RRN3: variants seen among roughly 807,000 people sequenced by gnomAD.
RRN3 encodes the protein RNA polymerase I transcription factor RRN3, also known as RNA polymerase I-specific transcription initiation factor RRN3.
In RRN3, 38 loss-of-function variants were observed where a neutral mutation model predicts 82.3. That is an observed-to-expected ratio of 0.46 (90% confidence interval 0.36 to 0.61). The LOEUF is 0.61. Among genes scored for constraint, RRN3 ranks in the 20% least tolerant of loss-of-function variants. RRN3 has a pLI of 0.00. For missense variants in RRN3, 726 were observed against 793.1 expected, an observed-to-expected ratio of 0.92 and a Z score of 1.02; for synonymous variants, 284 against 284.3, an observed-to-expected ratio of 1.00 and a Z score of 0.01.
chr16:15,093,775 G>T (rs1243146093), intron 1 of RRN3, among the ~76,000 whole-genome samples: 1 of 152,158 alleles, frequency 6.6e-6, no homozygotes, highest in Non-Finnish European at 1.5e-5. Flanking sequence ...TATTCAATTT[G>T]CCATGAGTGA....
intron 7 of RRN3, among the ~76,000 whole-genome samples, chr16:15,084,088 T>G (rs1340985147): frequency 6.6e-6 from 1 of 152,240 alleles, no homozygotes; most frequent in East Asian, 1.9e-4. Flanking sequence ...TTCTGTTAAC[T>G]CTGATATCAA....
chr16:15,070,601 A>G (rs2045181929), intron 13 of RRN3, among the ~76,000 whole-genome samples: 1 of 152,152 alleles, frequency 6.6e-6, no homozygotes, highest in Admixed American at 6.6e-5. Flanking sequence ...CTCAAGAGAA[A>G]GACAGTCTGG....
In RRN3 at chr16:15,092,569, G is replaced by C; in HGVS notation, c.135C>G (p.Pro45=). 6.2e-7 allele frequency: 1 copy of C among 1,613,382 alleles called. No homozygotes were observed. The highest frequency in any genetic ancestry group is 8.5e-7 in the Non-Finnish European group (1 of 1,179,532). Residue 45 remains proline, a synonymous_variant, in exon 2 of 18, where the codon CCC becomes CCG. Transcript: ENST00000198767. The part of the protein sequence containing the change: ...RALENDFFNS[P]PRKTVRFGGT... The stretch of plus-strand genomic sequence containing the variant: ...CACCAAACCGAACAGTTTTTCTTGG[G>C]GGAGAATTGAAAAAGTCATTCTCTA...
chr16:15,072,245 CAA>C (rs55852324), intron 12 of RRN3, among the ~76,000 whole-genome samples: 8,260 of 133,424 alleles, frequency 0.062, 351 homozygotes, highest in African/African-American at 0.13. Flanking sequence ...TTTCCCCCAC[CAA>C]AAAAAAAAAA....
chr16:15,078,075 T>C (rs1312585958), intron 9 of RRN3, among the ~76,000 whole-genome samples: 1 of 152,176 alleles, frequency 6.6e-6, no homozygotes, highest in African/African-American at 2.4e-5. Context: ...ACTCAAACCA[T>C]GCCATTTTTT....
chr16:15,074,821 G>C lies in RRN3; in HGVS notation c.899C>G (p.Pro300Arg), dbSNP rs776463577. 6.2e-7 allele frequency: 1 copy of C among 1,613,664 alleles called. No individual in the cohort carries two copies. Among genetic ancestry groups the C allele is most frequent in the Non-Finnish European group, 8.5e-7 (1 of 1,179,802 alleles). ...EETEHETKAG[P>R]ERLDQMVHPV... is the part of the protein sequence containing the mutation. ...ATGCACCATCTGGTCGAGCCGTTCAGGACCAGCCTTTGTTTCATGTTCAGT... is the reference window on the plus strand; with the variant it reads ...ATGCACCATCTGGTCGAGCCGTTCACGACCAGCCTTTGTTTCATGTTCAGT... Residue 300 changes from proline to arginine, a missense_variant, in exon 11 of 18, where the codon CCT becomes CGT. Physicochemically the swap from Pro to Arg is moderately radical, Grantham distance 103. Around this residue, in one of 4 missense-constraint regions of RRN3, gnomAD observed 344 missense variants for 394.5 expected, o/e 0.87. Transcript: ENST00000198767.
At chr16:15,068,806 G>A (rs2045094773) in intron 14 of RRN3, among the ~76,000 whole-genome samples, 1 of 152,136 alleles carries the variant, frequency 6.6e-6, no homozygotes, top group South Asian at 2.1e-4. Flanking sequence ...CACTTTCTTA[G>A]ACTTAATGAA....
chr16:15,076,909 A>G (rs1220837855), intron 9 of RRN3, among the ~76,000 whole-genome samples: 1 of 152,152 alleles, frequency 6.6e-6, no homozygotes, highest in African/African-American at 2.4e-5. Flanking sequence ...GCTCTATGCC[A>G]GGCAGCCTCA....
At chr16:15,083,738 C>A in intron 7 of RRN3, 156 bp from the exon 8 acceptor site, 2 of 985,668 alleles carry the variant, frequency 2.0e-6, no homozygotes, top group South Asian at 3.2e-5. Flanking sequence ...TTTTTTGAGA[C>A]GGAGTTTCGC....
Position 15,089,294 on chromosome 16 carries a change from C to T in RRN3, c.252+2021G>A, listed in dbSNP as rs546257751. ...TGACAGAGCAAGACTCTGTTCTGCCCGTCCCCAAAAACGAAAATGAAATAA... is the reference window on the plus strand; with the variant it reads ...TGACAGAGCAAGACTCTGTTCTGCCTGTCCCCAAAAACGAAAATGAAATAA... On this transcript the variant is annotated intron_variant, in intron 3 of 17. Coordinates refer to ENST00000198767, the MANE Select transcript of RRN3 (RefSeq NM_018427.5). Among the ~76,000 whole-genome samples the T allele has an allele frequency of 4.6e-5, 7 of 151,952 alleles. No homozygotes were observed. The South Asian group carries it at 1.5e-3, about 32-fold the overall frequency.
chr16:15,084,822 T>A, intron 6 of RRN3, 117 bp from the exon 7 acceptor site: 1 of 754,596 alleles, frequency 1.3e-6, no homozygotes, highest in South Asian at 1.5e-5. Flanking sequence ...TCCCAGCACT[T>A]TGGGAGGCCG....
intron 9 of RRN3, among the ~76,000 whole-genome samples, chr16:15,077,952 G>A (rs1289586078): frequency 6.6e-6 from 1 of 152,180 alleles, no homozygotes; most frequent in Non-Finnish European, 1.5e-5. Context: ...CAGACACATT[G>A]TGTAATAAAC....
intron 11 of RRN3, among the ~76,000 whole-genome samples, chr16:15,073,302 T>C (rs555720948): frequency 6.6e-6 from 1 of 151,970 alleles, no homozygotes; most frequent in East Asian, 1.9e-4. Context: ...CTACAAAAAA[T>C]CAAAAAATTA....
intron 13 of RRN3, 30 bp downstream of exon 13, chr16:15,071,091 A>G: frequency 1.3e-6 from 2 of 1,576,584 alleles, no homozygotes; most frequent in South Asian, 1.2e-5. Context: ...GCATGATATT[A>G]AAAAGTATTC....
At chr16:15,072,679 C>A (rs1257881823) in intron 12 of RRN3, among the ~76,000 whole-genome samples, 2 of 151,942 alleles carry the variant, frequency 1.3e-5, no homozygotes, top group Non-Finnish European at 2.9e-5. Context: ...AACCTGTGGT[C>A]CCAGCTATCG....
intron 14 of RRN3, 113 bp downstream of exon 14, chr16:15,069,957 T>G (rs1161131562): frequency 6.9e-7 from 1 of 1,451,836 alleles, no homozygotes; most frequent in Non-Finnish European, 9.5e-7. Context: ...TGAGTGCACA[T>G]GCAGTTTTCT....
chr16:15,063,097 G>A (rs559382329), intron 17 of RRN3, 99 bp downstream of exon 17: 43 of 897,258 alleles, frequency 4.8e-5, no homozygotes, highest in East Asian at 9.7e-5. Flanking sequence ...CCTAAAGTGC[G>A]GGGATTACAC....
chr16:15,068,868 G>C (rs566251652), intron 14 of RRN3, among the ~76,000 whole-genome samples: 1 of 152,046 alleles, frequency 6.6e-6, no homozygotes. Flanking sequence ...TATTTTAAGA[G>C]GCAAGCTGAC....
intron 8 of RRN3, among the ~76,000 whole-genome samples, chr16:15,080,931 C>CA (rs1165139365): frequency 6.6e-6 from 1 of 151,578 alleles, no homozygotes; most frequent in Non-Finnish European, 1.5e-5. Flanking sequence ...GAGTCATACA[C>CA]AGTTTGTGGC....
Sources: gnomAD v4.1 joint callset for allele counts (sites outside exome capture counted in the v4.1 genomes callset) on GRCh38, gnomAD v4.1.1 for gene constraint, gnomAD v4.1.1 regional missense constraint, MANE v1.5 for transcripts, NCBI Gene and HGNC (gene_info 2026-07-23, HGNC 2026-07-21) for gene names.